The following FAM3B variants were observed in gnomAD, a reference collection of about 807,000 sequenced individuals.
The protein encoded by FAM3B is protein FAM3B.
In FAM3B, 29 loss-of-function variants were observed where a neutral mutation model predicts 28.4. The observed-to-expected ratio is 1.02, with a 90% CI of 0.76 to 1.39. FAM3B has a LOEUF of 1.39. Among genes scored for constraint, FAM3B ranks in the 40% most tolerant of loss-of-function variants. The pLI is 0.00. For synonymous variants in FAM3B, 91 were observed against 103.0 expected, an observed-to-expected ratio of 0.88 and a Z score of 0.71; for missense variants, 266 against 293.9, an observed-to-expected ratio of 0.91 and a Z score of 0.69.
intron 1 of FAM3B, among the ~76,000 whole-genome samples, chr21:41,305,852 T>A (rs2088680248): frequency 6.6e-6 from 1 of 152,204 alleles, no homozygotes; most frequent in African/African-American, 2.4e-5. Context: ...TGTGGCAATT[T>A]CTTAAAAGAA....
intron 7 of FAM3B, among the ~76,000 whole-genome samples, chr21:41,355,380 T>C (rs2089156345): frequency 6.6e-6 from 1 of 152,200 alleles, no homozygotes; most frequent in African/African-American, 2.4e-5. Flanking sequence ...CAAATGTGCA[T>C]AGCAACATTA....
chr21:41,343,310 G>T (rs1202188901), intron 3 of FAM3B, among the ~76,000 whole-genome samples: 2 of 152,160 alleles, frequency 1.3e-5, no homozygotes, highest in Non-Finnish European at 2.9e-5. Context: ...TCTTCTCCCA[G>T]ATCTTGGCCT....
Position 41,344,511 on chromosome 21 carries a change from G to T in FAM3B, c.323G>T (p.Gly108Val). ...MGEQLGNVAR[G>V]INIAIVNYVT... ...GAACAGCTGGGAAATGTTGCCAGAG[G>T]AATAAACATTGCCATTGTCAACTGT... Residue 108 changes from glycine (G) to valine (V), a missense_variant, in exon 4 of 8, where the codon GGA becomes GTA. Transcript: ENST00000357985. The T allele has an allele frequency of 3.1e-6, 5 of 1,614,096 alleles. No homozygotes were observed. In the South Asian group the frequency reaches 4.4e-5, roughly 14 times the overall value.
intron 2 of FAM3B, among the ~76,000 whole-genome samples, chr21:41,330,146 A>AC (rs1555870395): frequency 5.3e-5 from 8 of 151,724 alleles, no homozygotes; most frequent in Middle Eastern, 3.2e-3. Context: ...AAAAAAAAAA[A>AC]AAAAACATAA....
rs150850080 is a variant in FAM3B at position 41,344,360 on chromosome 21, T to C, written c.288-116T>C. On this transcript the variant is annotated intron_variant, in intron 3 of 7. Transcript: ENST00000357985. ...GCTGCACCAAGGCGAATGCAGACTT[T>C]CAAGGAAAAGGTGGGGGACAGCAGA... The C allele has an allele frequency of 1.8e-4, 163 of 929,920 alleles. 1 individual carries two copies. The highest frequency in any genetic ancestry group is 1.2e-3 in the Middle Eastern group (5 of 4,234). 57.6% of individuals were successfully genotyped at this position (929,920 alleles called of 1,614,324 possible).
At chr21:41,351,183 C>T (rs767811757) in intron 7 of FAM3B, among the ~76,000 whole-genome samples, 1 of 152,220 alleles carries the variant, frequency 6.6e-6, no homozygotes, top group Admixed American at 6.5e-5. Flanking sequence ...ATTGGAATTG[C>T]ACAGAGGAAG....
intron 1 of FAM3B, among the ~76,000 whole-genome samples, chr21:41,310,686 C>CA (rs1418543212): frequency 6.6e-6 from 1 of 152,162 alleles, no homozygotes; most frequent in East Asian, 1.9e-4. Flanking sequence ...CTGGTACTCC[C>CA]AGGGTGCATG....
Position 41,346,993 on chromosome 21 carries a change from T to G in FAM3B, c.398-20T>G. ...CAGTGAACAGCAAAGACCCTAAAAC[T>G]GACTTGCATCCCCCAATAGATAACT... On this transcript the variant is annotated intron_variant, in intron 5 of 7. Coordinates refer to ENST00000357985, the MANE Select transcript of FAM3B (RefSeq NM_058186.4). 11 of 1,612,864 alleles carry G rather than the reference T, an allele frequency of 6.8e-6. No homozygotes were observed. Among genetic ancestry groups the G allele is most frequent in the Non-Finnish European group, 8.5e-6 (10 of 1,178,870 alleles).
intron 2 of FAM3B, among the ~76,000 whole-genome samples, chr21:41,334,087 C>CA (rs2088930921): frequency 6.6e-6 from 1 of 152,174 alleles, no homozygotes; most frequent in Non-Finnish European, 1.5e-5. Context: ...CTGGCTGCTT[C>CA]TAATAACCTG....
intron 7 of FAM3B, among the ~76,000 whole-genome samples, chr21:41,354,552 C>T (rs1033876686): frequency 4.6e-5 from 7 of 152,126 alleles, no homozygotes; most frequent in Non-Finnish European, 8.8e-5. Context: ...AGCTGGAGGC[C>T]ATTATCCTTA....
intron 1 of FAM3B, among the ~76,000 whole-genome samples, chr21:41,308,616 C>T (rs1205244273): frequency 6.7e-6 from 1 of 149,670 alleles, no homozygotes; most frequent in Non-Finnish European, 1.5e-5. Flanking sequence ...CTTGGCTCAC[C>T]ACAACCTGTG....
chr21:41,349,357 G>A (rs2089093278), intron 7 of FAM3B, among the ~76,000 whole-genome samples: 1 of 152,172 alleles, frequency 6.6e-6, no homozygotes, highest in Non-Finnish European at 1.5e-5. Flanking sequence ...AATTTCAGAG[G>A]GTTCTGCTCT....
intron 2 of FAM3B, among the ~76,000 whole-genome samples, chr21:41,323,621 G>A (rs930195788): frequency 1.3e-5 from 2 of 152,196 alleles, no homozygotes; most frequent in Non-Finnish European, 2.9e-5. Context: ...CTGTGTGCTG[G>A]GCATGTCCAG....
chr21:41,312,762 G>C (rs1243741068), upstream of FAM3B, among the ~76,000 whole-genome samples: 2 of 118,182 alleles, frequency 1.7e-5, no homozygotes, highest in Non-Finnish European at 3.7e-5. Flanking sequence ...TATGATGTCT[G>C]CATCTAACTG....
At chr21:41,331,931 G>A (rs1158665723) in intron 2 of FAM3B, among the ~76,000 whole-genome samples, 1 of 152,142 alleles carries the variant, frequency 6.6e-6, no homozygotes, top group Non-Finnish European at 1.5e-5. Context: ...ACTTGCATCT[G>A]TCCTTGCAAG....
intron 7 of FAM3B, among the ~76,000 whole-genome samples, chr21:41,350,517 C>T (rs763421255): frequency 6.6e-6 from 1 of 152,224 alleles, no homozygotes; most frequent in African/African-American, 2.4e-5. Flanking sequence ...GCTGGGCCTT[C>T]CTGGAGCTCC....
chr21:41,352,835 G>T (rs2089134046), intron 7 of FAM3B, among the ~76,000 whole-genome samples: 1 of 72,684 alleles, frequency 1.4e-5, no homozygotes, highest in African/African-American at 8.8e-5. Context: ...AAAGGAAGAA[G>T]TAAAACTATT....
chr21:41,332,869 CTT>C (rs1308052831), intron 2 of FAM3B, among the ~76,000 whole-genome samples: 1 of 145,232 alleles, frequency 6.9e-6, no homozygotes, highest in Non-Finnish European at 1.5e-5. Flanking sequence ...AATTTTATCT[CTT>C]TTCAAAAAAC....
intron 1 of FAM3B, among the ~76,000 whole-genome samples, chr21:41,307,577 G>T (rs1394996881): frequency 6.6e-6 from 1 of 152,160 alleles, no homozygotes; most frequent in Non-Finnish European, 1.5e-5. Context: ...TCTAGCTTTT[G>T]ATTTAAAGAG....
Sources: allele counts gnomAD v4.1 joint callset (sites outside exome capture counted in the v4.1 genomes callset), GRCh38; gene constraint gnomAD v4.1.1; transcripts MANE v1.5; gene names NCBI Gene and HGNC (gene_info 2026-07-23, HGNC 2026-07-21).